Variants in C4orf50 observed in about 807,000 individuals in gnomAD.
C4orf50 encodes the protein uncharacterized protein C4orf50.
A neutral mutation model predicts 77.2 loss-of-function variants in C4orf50; 80 were observed. The ratio of observed to expected loss-of-function variants is 1.04; its 90% CI spans 0.87 to 1.25. The LOEUF (loss-of-function observed/expected upper bound fraction) is 1.25, where lower values mean the gene tolerates loss of function less well. Among genes scored for constraint, C4orf50 ranks in the 50% most tolerant of loss-of-function variants. The pLI, the probability that C4orf50 is intolerant of heterozygous loss-of-function variation, is 0.00. For missense variants in C4orf50, 1,257 were observed against 1,152.9 expected, an observed-to-expected ratio of 1.09 and a Z score of -1.31; for synonymous variants, 532 against 465.3, an observed-to-expected ratio of 1.14 and a Z score of -1.84.
intron 25 of C4orf50, among the ~76,000 whole-genome samples, chr4:6,005,330 C>G (rs914119703): frequency 6.6e-6 from 1 of 152,174 alleles, no homozygotes; most frequent in Non-Finnish European, 1.5e-5. Flanking sequence ...TAGAGTGCAG[C>G]CTTGAGAACT....
rs1368061792 is a variant in C4orf50 at position 6,007,019 on chromosome 4, T to C, written c.963+977A>G. Reference sequence around the variant, plus strand: ...CACATATGAGTCCCATGGCACAGCATGTTGAAGATTTTGTCTAGCGCAGGG... The same window carrying C: ...CACATATGAGTCCCATGGCACAGCACGTTGAAGATTTTGTCTAGCGCAGGG... On this transcript the variant is annotated intron_variant, in intron 25 of 33. Transcript: ENST00000531445. This position sits in a 1 kb window ranked among gnomAD's most constrained non-coding sequence, Gnocchi z 4.1. 1.3e-5 allele frequency among the ~76,000 whole-genome samples: 2 copies of C among 152,132 alleles called. No individual in the cohort carries two copies. Among genetic ancestry groups the C allele is most frequent in the African/African-American group, 4.8e-5 (2 of 41,418 alleles).
chr4:5,965,918 G>C (rs1194901424), intron 32 of C4orf50, among the ~76,000 whole-genome samples: 3 of 152,168 alleles, frequency 2.0e-5, no homozygotes, highest in Admixed American at 6.5e-5. Context: ...AGAACCACTA[G>C]ATGAACAGAT....
At chr4:5,936,677 G>A (rs1302244492) in intron 7 of C4orf50, among the ~76,000 whole-genome samples, 1 of 151,446 alleles carries the variant, frequency 6.6e-6, no homozygotes, top group Non-Finnish European at 1.5e-5. Context: ...ATGAGTTTCA[G>A]AAGGAAAGAA....
intron 31 of C4orf50, among the ~76,000 whole-genome samples, chr4:5,972,788 C>T (rs1043143231): frequency 2.0e-5 from 3 of 152,230 alleles, no homozygotes; most frequent in Non-Finnish European, 4.4e-5. Flanking sequence ...AGGAGCGGAG[C>T]TAGTCTGGCG....
At chr4:5,927,021 C>T (rs746946026) in intron 7 of C4orf50, among the ~76,000 whole-genome samples, 6 of 152,154 alleles carry the variant, frequency 3.9e-5, no homozygotes, top group Non-Finnish European at 7.4e-5. Context: ...TGGTGAAATG[C>T]GTGGAAATTC....
At chr4:5,937,807 C>A (rs568477847) in intron 7 of C4orf50, among the ~76,000 whole-genome samples, 1 of 152,106 alleles carries the variant, frequency 6.6e-6, no homozygotes, top group Non-Finnish European at 1.5e-5. Context: ...AAAATAGACT[C>A]AAAATCGCAA....
At chr4:5,990,063 T>C (rs1320914574) in exon 28 of C4orf50, 13 of 1,346,374 alleles carry the variant, frequency 9.7e-6, no homozygotes, top group African/African-American at 1.5e-5. Context: ...CCTCATTCTC[T>C]GATGACAGTC....
At chr4:5,954,598 G>A (rs1275637578), downstream of C4orf50, among the ~76,000 whole-genome samples, 3 of 152,156 alleles carry the variant, frequency 2.0e-5, no homozygotes, top group East Asian at 1.9e-4. This position sits in a 1 kb window ranked among gnomAD's most constrained non-coding sequence, Gnocchi z 4.7. Flanking sequence ...GGCAGGCAGC[G>A]CATGGAGAGG....
intron 23 of C4orf50, among the ~76,000 whole-genome samples, chr4:6,013,896 G>A (rs915136276): frequency 6.6e-6 from 1 of 152,084 alleles, no homozygotes; most frequent in Non-Finnish European, 1.5e-5. Flanking sequence ...CAGCAACCAC[G>A]GGAAGCTAAT....
At chr4:5,928,542 C>T (rs187463253) in intron 7 of C4orf50, among the ~76,000 whole-genome samples, 184 of 152,240 alleles carry the variant, frequency 1.2e-3, no homozygotes, top group African/African-American at 3.1e-3. Flanking sequence ...GGGACGGGCA[C>T]GGAGAAGTCG....
At chr4:5,910,540 T>A (rs1041564768) in intron 7 of C4orf50, among the ~76,000 whole-genome samples, 5 of 152,234 alleles carry the variant, frequency 3.3e-5, no homozygotes, top group African/African-American at 1.2e-4. Flanking sequence ...TAAGGAATTA[T>A]CTAGAGTGTG....
At position 6,008,173 on chromosome 4, in the gene C4orf50, C is replaced by T; in HGVS notation, c.786G>A (p.Gln262=). The T allele has an allele frequency of 2.5e-6, 1 of 398,602 alleles. No homozygotes were observed. The highest frequency in any genetic ancestry group is 4.4e-6 in the Non-Finnish European group (1 of 225,886). 24.7% of individuals were successfully genotyped at this position (398,602 alleles called of 1,614,324 possible). Residue 262 remains glutamine, a synonymous_variant, in exon 25 of 34, where the codon CAG becomes CAA. Coordinates refer to ENST00000531445, the Ensembl canonical transcript of C4orf50. This position sits in a 1 kb window ranked among gnomAD's most constrained non-coding sequence, Gnocchi z 6.0. Reference sequence around the variant, plus strand: ...GCTGGCGCTCGGTGGCCCGGTGCTCCTGCAGGCTGCGCGCCGCCTCTTCCC... The same window carrying T: ...GCTGGCGCTCGGTGGCCCGGTGCTCTTGCAGGCTGCGCGCCGCCTCTTCCC...
rs75927848 is a variant in C4orf50 at position 5,985,282 on chromosome 4, A to G, written c.3699+3065T>C. 3.7e-3 allele frequency among the ~76,000 whole-genome samples: 559 copies of G among 152,336 alleles called. 2 individuals carry two copies. The highest frequency in any genetic ancestry group is 0.013 in the African/African-American group (534 of 41,600). ...TCAGAGCCACAGAAGAGTAAGAAAG[A>G]AAGAACAGAATAAGAACATGTAAAG... On this transcript the variant is annotated intron_variant, in intron 28 of 33. Coordinates refer to ENST00000531445, the Ensembl canonical transcript of C4orf50.
intron 28 of C4orf50, among the ~76,000 whole-genome samples, chr4:5,987,135 G>A (rs376656181): frequency 3.0e-4 from 46 of 152,158 alleles, no homozygotes; most frequent in East Asian, 2.3e-3. Context: ...ATAAGGCCTC[G>A]TACGGTGGCG....
chr4:5,912,153 C>T (rs964591364), intron 7 of C4orf50, among the ~76,000 whole-genome samples: 3 of 152,094 alleles, frequency 2.0e-5, no homozygotes, highest in Non-Finnish European at 4.4e-5. Flanking sequence ...GTAAACACTC[C>T]TACTATGGCT....
At chr4:6,004,211 G>T in intron 25 of C4orf50, among the ~76,000 whole-genome samples, 1 of 69,220 alleles carries the variant, frequency 1.4e-5, no homozygotes, top group Non-Finnish European at 3.1e-5. Context: ...TGGTGATGAT[G>T]GTGATGGTGA....
At chr4:5,984,264 T>C (rs374217417) in intron 28 of C4orf50, among the ~76,000 whole-genome samples, 2 of 152,210 alleles carry the variant, frequency 1.3e-5, no homozygotes, top group East Asian at 3.8e-4. Flanking sequence ...TAAAATATTA[T>C]ACACAATGTC....
intron 7 of C4orf50, among the ~76,000 whole-genome samples, chr4:5,949,847 G>T (rs752289740): frequency 8.5e-5 from 13 of 152,056 alleles, no homozygotes; most frequent in Admixed American, 8.5e-4. Context: ...CAACTAACCG[G>T]GCATGGTGGC....
At chr4:5,980,779 C>G (rs1720544033) in intron 28 of C4orf50, among the ~76,000 whole-genome samples, 1 of 152,128 alleles carries the variant, frequency 6.6e-6, no homozygotes, top group African/African-American at 2.4e-5. Context: ...ATTGAATGTT[C>G]CAATCAAATT....
Sources: allele counts gnomAD v4.1 joint callset (sites outside exome capture counted in the v4.1 genomes callset), GRCh38; gene constraint gnomAD v4.1.1; non-coding constraint Gnocchi (gnomAD v3.1); transcripts MANE v1.5; gene names NCBI Gene and HGNC (gene_info 2026-07-23, HGNC 2026-07-21).